MMP16: variants seen among roughly 807,000 people sequenced by gnomAD.
MMP16 encodes the protein matrix metalloproteinase-16.
Under a neutral mutation model 67.8 loss-of-function variants are expected in MMP16, and 12 were observed. The observed-to-expected ratio is 0.18, with a 90% CI of 0.11 to 0.29. MMP16 has a LOEUF of 0.29. Among genes scored for constraint, MMP16 ranks in the 10% least tolerant of loss-of-function variants. The pLI is 1.00. For missense variants in MMP16, 475 were observed against 765.7 expected (o/e 0.62, Z 4.48); for synonymous variants, 249 against 255.9 (o/e 0.97, Z 0.26).
chr8:88,112,451 G>A (rs1382729053), intron 6 of MMP16, among the ~76,000 whole-genome samples: 2 of 151,706 alleles, frequency 1.3e-5, no homozygotes, highest in East Asian at 1.9e-4. Context: ...AGATCTTGCT[G>A]TTGTCAGCTT....
chr8:88,127,512 C>A (rs1463773177), intron 4 of MMP16, among the ~76,000 whole-genome samples: 2 of 151,546 alleles, frequency 1.3e-5, no homozygotes, highest in Non-Finnish European at 2.9e-5. Context: ...GGGTTATGAC[C>A]AACAACCATT....
intron 1 of MMP16, among the ~76,000 whole-genome samples, chr8:88,303,585 T>A: frequency 6.6e-6 from 1 of 152,186 alleles, no homozygotes; most frequent in East Asian, 1.9e-4. Context: ...AGTACCCCCC[T>A]GGGACAGAGC....
rs149578507 is a variant in MMP16, at chr8:88,037,684, G to T, written c.*3777C>A. The T allele has an allele frequency of 6.6e-6, 1 of 151,802 alleles. No individual in the cohort carries two copies. The highest frequency in any genetic ancestry group is 1.5e-5 in the Non-Finnish European group (1 of 67,832). 9.4% of individuals were successfully genotyped at this position (151,802 alleles called of 1,614,324 possible). On this transcript the variant is annotated 3_prime_UTR_variant, in exon 10 of 10. Transcript: ENST00000286614. ...ACAACCTTATCTACAATTCTGATGC[G>T]GAATTACTGCTTTACAGGAAATTCA...
intron 4 of MMP16, among the ~76,000 whole-genome samples, chr8:88,130,209 T>C (rs1808004370): frequency 6.6e-6 from 1 of 151,796 alleles, no homozygotes; most frequent in Non-Finnish European, 1.5e-5. Context: ...GCAGTCAAAA[T>C]TAGCGAGGAT....
At chr8:88,096,845 C>T (rs530548222) in intron 6 of MMP16, among the ~76,000 whole-genome samples, 5 of 151,854 alleles carry the variant, frequency 3.3e-5, no homozygotes, top group South Asian at 2.1e-4. Flanking sequence ...TGATTGGAAA[C>T]GCGAGAAAAC....
intron 2 of MMP16, among the ~76,000 whole-genome samples, chr8:88,188,125 A>G (rs2129758246): frequency 6.6e-6 from 1 of 152,302 alleles, no homozygotes; most frequent in Non-Finnish European, 1.5e-5. Flanking sequence ...GCACAACTGG[A>G]ATAGGAGAAT....
intron 1 of MMP16, among the ~76,000 whole-genome samples, chr8:88,321,277 A>G (rs1334279348): frequency 6.6e-6 from 1 of 152,174 alleles, no homozygotes; most frequent in Non-Finnish European, 1.5e-5. Context: ...AAATATGTGT[A>G]TATTTGTATA....
chr8:88,294,914 T>C (rs1477904643), intron 1 of MMP16, among the ~76,000 whole-genome samples: 1 of 152,166 alleles, frequency 6.6e-6, no homozygotes, highest in Non-Finnish European at 1.5e-5. Flanking sequence ...GGTTTCACCA[T>C]GTTGGCCAGG....
chr8:88,192,493 C>T (rs1809186885), intron 2 of MMP16, among the ~76,000 whole-genome samples: 1 of 152,192 alleles, frequency 6.6e-6, no homozygotes, highest in African/African-American at 2.4e-5. Context: ...CACTAGCTAT[C>T]AACCTTCCTT....
intron 4 of MMP16, among the ~76,000 whole-genome samples, chr8:88,156,410 G>A (rs572991586): frequency 6.6e-6 from 1 of 152,104 alleles, no homozygotes; most frequent in East Asian, 1.9e-4. Flanking sequence ...ATTATAATAA[G>A]GTCTATTTCT....
intron 1 of MMP16, among the ~76,000 whole-genome samples, chr8:88,264,835 A>G (rs889264317): frequency 1.3e-5 from 2 of 152,254 alleles, no homozygotes; most frequent in Non-Finnish European, 2.9e-5. Flanking sequence ...ACAATATGGC[A>G]TATCTCAAAA....
intron 6 of MMP16, among the ~76,000 whole-genome samples, chr8:88,101,361 G>A (rs945771499): frequency 6.6e-5 from 10 of 151,872 alleles, no homozygotes; most frequent in Non-Finnish European, 1.3e-4. Context: ...AATGTTACAT[G>A]AAAAAGTTTC....
chr8:88,292,318 T>C (rs1313630516), intron 1 of MMP16, among the ~76,000 whole-genome samples: 2 of 152,202 alleles, frequency 1.3e-5, no homozygotes, highest in Admixed American at 6.5e-5. Context: ...ATGGATCCCC[T>C]TGAGAATCTG....
At chr8:88,311,211 G>A (rs888766987) in intron 1 of MMP16, among the ~76,000 whole-genome samples, 1 of 152,020 alleles carries the variant, frequency 6.6e-6, no homozygotes, top group Non-Finnish European at 1.5e-5. Flanking sequence ...AAGAAATGAA[G>A]GAATTAAGCA....
intron 6 of MMP16, among the ~76,000 whole-genome samples, chr8:88,090,857 A>G (rs1461153440): frequency 6.6e-6 from 1 of 151,842 alleles, no homozygotes; most frequent in Admixed American, 6.6e-5. Context: ...ATAGAAAAAT[A>G]ACACTGTTAC....
intron 1 of MMP16, among the ~76,000 whole-genome samples, chr8:88,240,273 C>A (rs1810013984): frequency 6.6e-6 from 1 of 152,096 alleles, no homozygotes; most frequent in Non-Finnish European, 1.5e-5. Flanking sequence ...TTTGGAGGAT[C>A]AAATTGAGAA....
At chr8:88,184,441 T>C (rs1388490637) in intron 3 of MMP16, among the ~76,000 whole-genome samples, 1 of 151,250 alleles carries the variant, frequency 6.6e-6, no homozygotes, top group Non-Finnish European at 1.5e-5. Context: ...TCAAGGTGTA[T>C]CCATGAGCTG....
At chr8:88,327,017 A>T (rs900914625) in intron 1 of MMP16, 58 bp downstream of exon 1, 2 of 1,606,330 alleles carry the variant, frequency 1.2e-6, no homozygotes, top group African/African-American at 2.7e-5. Flanking sequence ...GAGTGAAGGA[A>T]ATGTTTCAGG....
chr8:88,265,570 G>C (rs906159734), intron 1 of MMP16, among the ~76,000 whole-genome samples: 1 of 152,124 alleles, frequency 6.6e-6, no homozygotes, highest in Non-Finnish European at 1.5e-5. Context: ...GGACAAGTTA[G>C]AGAACGGTCT....
Sources: gnomAD v4.1 joint callset for allele counts (sites outside exome capture counted in the v4.1 genomes callset) on GRCh38, gnomAD v4.1.1 for gene constraint, MANE v1.5 for transcripts, NCBI Gene and HGNC (gene_info 2026-07-23, HGNC 2026-07-21) for gene names.